Variants in RIT2 observed in about 807,000 individuals in gnomAD.
RIT2 encodes the protein Ras like without CAAX 2.
In RIT2, 24 loss-of-function variants were observed where a neutral mutation model predicts 23.7. That is an observed-to-expected ratio of 1.01 (90% confidence interval 0.73 to 1.43). The LOEUF (loss-of-function observed/expected upper bound fraction) is 1.43. Ranked by LOEUF, RIT2 falls within the 40% of genes most tolerant of loss-of-function variation. RIT2 has a pLI of 0.00. For missense variants in RIT2, 236 were observed against 266.9 expected, an observed-to-expected ratio of 0.88 and a Z score of 0.81; for synonymous variants, 107 against 91.1, an observed-to-expected ratio of 1.17 and a Z score of -0.99.
At chr18:43,073,604 T>G (rs774539435) in intron 1 of RIT2, among the ~76,000 whole-genome samples, 1 of 152,156 alleles carries the variant, frequency 6.6e-6, no homozygotes, top group African/African-American at 2.4e-5. Context: ...AAACATTACC[T>G]CTTTAAACAT....
At chr18:42,744,605 A>C (rs538859664) in intron 4 of RIT2, among the ~76,000 whole-genome samples, 1 of 152,064 alleles carries the variant, frequency 6.6e-6, no homozygotes, top group African/African-American at 2.4e-5. Context: ...TCAACATAAG[A>C]TATTAATACC....
Position 43,088,642 on chromosome 18 carries a change from A to G in RIT2, c.103+26775T>C, listed in dbSNP as rs374726988. On this transcript the variant is annotated intron_variant, in intron 1 of 4. Transcript: ENST00000326695. ...TTATTCATGAAATTTGTCCACAAAT[A>G]TTTTCTTGAACTTGAGCTGAACTTT... Among the ~76,000 whole-genome samples, 132 of 152,246 alleles carry G rather than the reference A, an allele frequency of 8.7e-4. 1 individual carries two copies. Among genetic ancestry groups the G allele is most frequent in the African/African-American group, 3.1e-3 (129 of 41,540 alleles).
chr18:42,939,998 T>A (rs1909555959), intron 3 of RIT2, among the ~76,000 whole-genome samples: 1 of 151,788 alleles, frequency 6.6e-6, no homozygotes, highest in Non-Finnish European at 1.5e-5. Flanking sequence ...CCTGATAGGG[T>A]TAAATCATAT....
chr18:43,044,198 A>G (rs1260717170), intron 1 of RIT2, among the ~76,000 whole-genome samples: 7 of 152,148 alleles, frequency 4.6e-5, no homozygotes, highest in African/African-American at 1.7e-4. Context: ...GCAGCTTTTA[A>G]TACTGACAAT....
At chr18:42,795,943 G>T (rs2143954046) in intron 4 of RIT2, among the ~76,000 whole-genome samples, 1 of 152,152 alleles carries the variant, frequency 6.6e-6, no homozygotes, top group African/African-American at 2.4e-5. Context: ...GTCTAGCCCA[G>T]GGATTGTAAA....
intron 3 of RIT2, among the ~76,000 whole-genome samples, chr18:42,947,307 A>C (rs1909750342): frequency 6.6e-6 from 1 of 152,046 alleles, no homozygotes; most frequent in Non-Finnish European, 1.5e-5. Context: ...TGTCTTGAAA[A>C]CACAGTTGAC....
chr18:42,906,007 C>CATAT (rs1167959698), intron 4 of RIT2, among the ~76,000 whole-genome samples: 1 of 3,174 alleles, frequency 3.2e-4, no homozygotes, highest in Non-Finnish European at 5.7e-4. Flanking sequence ...TATATATATA[C>CATAT]ATATATATAT....
intron 4 of RIT2, among the ~76,000 whole-genome samples, chr18:42,786,078 G>A (rs529133416): frequency 1.6e-4 from 25 of 152,264 alleles, no homozygotes; most frequent in Non-Finnish European, 2.9e-4. Context: ...AAAAAGTGAG[G>A]TGAATGGCTC....
intron 4 of RIT2, among the ~76,000 whole-genome samples, chr18:42,780,845 G>A (rs913031559): frequency 1.7e-4 from 25 of 149,040 alleles, no homozygotes; most frequent in African/African-American, 6.2e-4. Context: ...TTACCCATTG[G>A]CCAAGAAGTT....
intron 4 of RIT2, among the ~76,000 whole-genome samples, chr18:42,853,174 C>T (rs565573054): frequency 7.9e-5 from 12 of 152,246 alleles, no homozygotes; most frequent in Non-Finnish European, 1.5e-4. Flanking sequence ...AAATTTGTGA[C>T]ACCTGTCGTG....
chr18:43,005,415 T>A (rs917106623), intron 2 of RIT2, among the ~76,000 whole-genome samples: 2 of 151,828 alleles, frequency 1.3e-5, no homozygotes, highest in Admixed American at 6.6e-5. Flanking sequence ...TAGAAGACCA[T>A]GTTTTGAGAA....
intron 1 of RIT2, among the ~76,000 whole-genome samples, chr18:43,115,189 A>C (rs1291640633): frequency 6.6e-6 from 1 of 152,160 alleles, no homozygotes; most frequent in Non-Finnish European, 1.5e-5. Context: ...AAAGAAAACA[A>C]TCATCCTCTT....
intron 4 of RIT2, among the ~76,000 whole-genome samples, chr18:42,845,227 G>A (rs2144029281): frequency 6.6e-6 from 1 of 152,092 alleles, no homozygotes; most frequent in East Asian, 1.9e-4. Flanking sequence ...AAAAACAAAT[G>A]AGGAAACTCA....
chr18:43,058,966 C>T (rs1912576015), intron 1 of RIT2, among the ~76,000 whole-genome samples: 1 of 151,892 alleles, frequency 6.6e-6, no homozygotes, highest in Non-Finnish European at 1.5e-5. Flanking sequence ...CTGTCTCCTG[C>T]TCCTCAGGAC....
At chr18:42,856,066 C>A (rs1294790030) in intron 4 of RIT2, among the ~76,000 whole-genome samples, 1 of 152,196 alleles carries the variant, frequency 6.6e-6, no homozygotes, top group African/African-American at 2.4e-5. Flanking sequence ...TCGAAAGTGC[C>A]TAGCCATAGA....
chr18:42,877,649 A>T (rs911914903), intron 4 of RIT2, among the ~76,000 whole-genome samples: 2 of 151,560 alleles, frequency 1.3e-5, no homozygotes, highest in African/African-American at 4.8e-5. Flanking sequence ...CAGCTTGAAC[A>T]TCTCTATTCT....
chr18:42,948,157 T>C (rs1909769935), intron 3 of RIT2, among the ~76,000 whole-genome samples: 2 of 152,158 alleles, frequency 1.3e-5, no homozygotes, highest in African/African-American at 4.8e-5. Flanking sequence ...TTTAATCTTA[T>C]GCAGAGGATA....
chr18:42,979,914 T>C (rs550114610), intron 2 of RIT2, among the ~76,000 whole-genome samples: 1 of 152,172 alleles, frequency 6.6e-6, no homozygotes, highest in Admixed American at 6.6e-5. Flanking sequence ...AGGGTGCTTA[T>C]TTAGGGAGAT....
chr18:43,001,175 C>A (rs1166616767), intron 2 of RIT2, among the ~76,000 whole-genome samples: 3 of 151,888 alleles, frequency 2.0e-5, no homozygotes, highest in African/African-American at 7.3e-5. Context: ...GGACAAGAGT[C>A]ATTTTTGGAT....
Sources: gnomAD v4.1 joint callset for allele counts (sites outside exome capture counted in the v4.1 genomes callset) on GRCh38, gnomAD v4.1.1 for gene constraint, MANE v1.5 for transcripts, NCBI Gene and HGNC (gene_info 2026-07-23, HGNC 2026-07-21) for gene names.